C14orf39: variants seen among roughly 807,000 people sequenced by gnomAD.
C14orf39 encodes the protein chromosome 14 open reading frame 39.
A neutral mutation model predicts 85.6 loss-of-function variants in C14orf39; 66 were observed. That is an observed-to-expected ratio of 0.77 (90% CI 0.63 to 0.95). The LOEUF (loss-of-function observed/expected upper bound fraction) is 0.95, where lower values mean the gene tolerates loss of function less well. Among genes scored for constraint, C14orf39 ranks in the 40% least tolerant of loss-of-function variants. C14orf39 has a pLI of 0.00. For synonymous variants in C14orf39, 242 were observed against 214.0 expected (o/e 1.13, Z -1.14); for missense variants, 735 against 663.9 (o/e 1.11, Z -1.18).
intron 15 of C14orf39, among the ~76,000 whole-genome samples, chr14:60,455,827 T>C (rs1456720128): frequency 6.6e-6 from 1 of 152,138 alleles, no homozygotes; most frequent in Non-Finnish European, 1.5e-5. Flanking sequence ...GCAGTATTTA[T>C]AAAATGTCTA....
intron 2 of C14orf39, among the ~76,000 whole-genome samples, chr14:60,498,843 T>C (rs1483715460): frequency 6.6e-6 from 1 of 152,338 alleles, no homozygotes; most frequent in Non-Finnish European, 1.5e-5. Context: ...AGTCTATTTA[T>C]GTAATACAAT....
chr14:60,467,710 G>C (rs1044739659), intron 9 of C14orf39, among the ~76,000 whole-genome samples: 2 of 151,712 alleles, frequency 1.3e-5, no homozygotes, highest in African/African-American at 4.8e-5. Context: ...TGTGGTACAT[G>C]GGAGTGGAGG....
intron 16 of C14orf39, among the ~76,000 whole-genome samples, chr14:60,454,193 A>T (rs896766791): frequency 1.3e-5 from 2 of 151,968 alleles, no homozygotes; most frequent in Non-Finnish European, 2.9e-5. Flanking sequence ...TCAACAATTT[A>T]ATGTCAGATA....
intron 1 of C14orf39, among the ~76,000 whole-genome samples, chr14:60,514,965 G>T (rs1314642866): frequency 2.6e-5 from 4 of 152,150 alleles, no homozygotes; most frequent in Admixed American, 6.5e-5. Flanking sequence ...GGCGCTCGGC[G>T]GGACAATGCG....
chr14:60,502,145 C>T (rs995608273), intron 1 of C14orf39, among the ~76,000 whole-genome samples: 22 of 152,138 alleles, frequency 1.4e-4, no homozygotes, highest in Admixed American at 3.3e-4. Flanking sequence ...ACACTATTTC[C>T]CTTTTCTATG....
intron 4 of C14orf39, among the ~76,000 whole-genome samples, chr14:60,483,147 A>G (rs1892721300): frequency 6.6e-6 from 1 of 152,228 alleles, no homozygotes; most frequent in African/African-American, 2.4e-5. Context: ...ATTTTGAATA[A>G]CAAAATATTT....
intron 2 of C14orf39, chr14:60,494,177 C>A: frequency 3.4e-6 from 1 of 291,850 alleles, no homozygotes; most frequent in South Asian, 4.7e-5. Context: ...AGACTCTTTC[C>A]ATTCATATCT....
intron 4 of C14orf39, among the ~76,000 whole-genome samples, chr14:60,481,536 T>C (rs919889278): frequency 8.5e-5 from 13 of 152,194 alleles, no homozygotes; most frequent in African/African-American, 3.1e-4. Context: ...TTAAAATATA[T>C]ACTGGCATGT....
intron 16 of C14orf39, among the ~76,000 whole-genome samples, chr14:60,451,250 A>G (rs1406181254): frequency 2.0e-5 from 3 of 152,164 alleles, no homozygotes; most frequent in Non-Finnish European, 4.4e-5. Context: ...GGGACTGTAA[A>G]CTAGTTCAAC....
chr14:60,481,160 CTTCT>C (rs1272484129), intron 4 of C14orf39, among the ~76,000 whole-genome samples: 1 of 152,034 alleles, frequency 6.6e-6, no homozygotes, highest in Non-Finnish European at 1.5e-5. Flanking sequence ...TCTTAATTAG[CTTCT>C]TTCAACAATG....
At chr14:60,468,684 A>C (rs188388531) in intron 8 of C14orf39, 148 bp from the exon 9 acceptor site, 20 of 436,052 alleles carry the variant, frequency 4.6e-5, no homozygotes, top group Middle Eastern at 5.8e-4. Context: ...TATTAAAACA[A>C]AAACAAAATT....
Position 60,483,934 on chromosome 14 carries a change from G to A in C14orf39, c.107-117C>T, listed in dbSNP as rs536156256. On this transcript the variant is annotated intron_variant, in intron 3 of 17. Coordinates refer to ENST00000321731, the MANE Select transcript of C14orf39 (RefSeq NM_174978.3). ...AAAAGGAAGAGAGCCAGAGAATGGA[G>A]AGGAAACGAGGCTTGAGATGGGTGG... is the stretch of plus-strand genomic sequence containing the variant. 1.2e-4 allele frequency: 81 copies of A among 661,282 alleles called. No homozygotes were observed. The East Asian group carries it at 1.6e-3, about 13-fold the overall frequency. 41.0% of individuals were successfully genotyped at this position (661,282 alleles called of 1,614,324 possible).
chr14:60,496,397 G>A, intron 2 of C14orf39: 1 of 329,628 alleles, frequency 3.0e-6, no homozygotes, highest in Non-Finnish European at 6.1e-6. Context: ...TATGTTCTGG[G>A]GTGTGGGTGG....
chr14:60,475,131 G>A (rs1309997695), intron 5 of C14orf39, among the ~76,000 whole-genome samples: 1 of 152,158 alleles, frequency 6.6e-6, no homozygotes, highest in Non-Finnish European at 1.5e-5. Flanking sequence ...AGTCTTGGGA[G>A]AGTGTATGTG....
In C14orf39 at chr14:60,471,579, T is replaced by A. The variant is rs1372265362; in HGVS notation, c.484A>T (p.Asn162Tyr). The change falls in exon 6 of 18, where the codon AAT (asparagine) becomes TAT (tyrosine). Residue 162 changes from asparagine to tyrosine, a missense_variant. Asn to Tyr is a moderately radical substitution (Grantham distance 143, BLOSUM62 -2). Transcript: ENST00000321731. ...CGAAATTTCATAAAAATTGTTTCAT[T>A]CATTTTTAATTGTTCAGTACATGCC... ...VLACTEQLKM[N>Y]ETIFMKFRVP... 6.3e-7 allele frequency: 1 copy of A among 1,595,310 alleles called. No homozygotes were observed. The highest frequency in any genetic ancestry group is 8.5e-7 in the Non-Finnish European group (1 of 1,174,234).
chr14:60,508,739 A>G (rs147504807), intron 1 of C14orf39, among the ~76,000 whole-genome samples: 84 of 152,296 alleles, frequency 5.5e-4, no homozygotes, highest in Admixed American at 1.2e-3. Context: ...CGTTACAACT[A>G]AACTTGCGAA....
At chr14:60,480,367 C>G (rs1464438542) in intron 4 of C14orf39, among the ~76,000 whole-genome samples, 1 of 151,988 alleles carries the variant, frequency 6.6e-6, no homozygotes, top group Admixed American at 6.5e-5. Context: ...GGGAGGAGGT[C>G]GCAGTGAGTG....
chr14:60,501,941 T>C (rs748030725), intron 1 of C14orf39, among the ~76,000 whole-genome samples: 2 of 152,242 alleles, frequency 1.3e-5, no homozygotes, highest in Non-Finnish European at 2.9e-5. Context: ...CAGTCATTCA[T>C]AATCTCATTT....
At chr14:60,493,963 T>G (rs1206953221) in intron 2 of C14orf39, 5 of 163,980 alleles carry the variant, frequency 3.0e-5, no homozygotes, top group Non-Finnish European at 6.7e-5. Flanking sequence ...TGATACCTGA[T>G]TGGGAGCTAT....
Sources: allele counts gnomAD v4.1 joint callset (sites outside exome capture counted in the v4.1 genomes callset), GRCh38; gene constraint gnomAD v4.1.1; transcripts MANE v1.5; gene names NCBI Gene and HGNC (gene_info 2026-07-23, HGNC 2026-07-21).